TMEM132D: variants seen among roughly 807,000 people sequenced by gnomAD.
TMEM132D encodes the protein mature OL transmembrane protein.
Under a neutral mutation model 62.3 loss-of-function variants are expected in TMEM132D, and 21 were observed. The ratio of observed to expected loss-of-function variants is 0.34; its 90% confidence interval spans 0.24 to 0.49. TMEM132D has a LOEUF of 0.49. Among genes scored for constraint, TMEM132D ranks in the 20% least tolerant of loss-of-function variants. The pLI is 0.99. For missense variants in TMEM132D, 1,346 were observed against 1,402.8 expected (o/e 0.96, Z 0.65); for synonymous variants, 621 against 575.6 (o/e 1.08, Z -1.13).
intron 5 of TMEM132D, among the ~76,000 whole-genome samples, chr12:129,172,602 G>A (rs1877768419): frequency 6.6e-6 from 1 of 152,076 alleles, no homozygotes; most frequent in Non-Finnish European, 1.5e-5. Context: ...TTTTGAGATA[G>A]AGTTTCACTC....
intron 3 of TMEM132D, among the ~76,000 whole-genome samples, chr12:129,443,546 T>C (rs1285551148): frequency 6.6e-6 from 1 of 152,200 alleles, no homozygotes; most frequent in Non-Finnish European, 1.5e-5. Context: ...CCTGGACTTG[T>C]TGTCCCTGGC....
At position 129,488,020 on chromosome 12, in the gene TMEM132D, C is replaced by T. The variant is rs533365621; in HGVS notation, c.1115+43039G>A. Among the ~76,000 whole-genome samples the T allele has an allele frequency of 9.9e-5, 15 of 151,698 alleles. No homozygotes were observed. In the South Asian group the frequency reaches 2.7e-3, roughly 27 times the overall value. On this transcript the variant is annotated intron_variant, in intron 3 of 8. Coordinates refer to ENST00000422113, the MANE Select transcript of TMEM132D (RefSeq NM_133448.3). ...GGGAGAACTTTAGGGAGAAACGGCC[C>T]CTTGTTGGCTTTTCCATCCCGTATG...
In TMEM132D at chr12:129,088,792, ATGACCGGGTGTCCTCCC is replaced by A. The variant is rs1420661400; in HGVS notation, c.1444-4107_1444-4091del. Among the ~76,000 whole-genome samples the A allele has an allele frequency of 1.4e-3, 50 of 36,248 alleles. 2 individuals are homozygous for A. The highest frequency in any genetic ancestry group is 2.7e-3 in the East Asian group (1 of 374). The allele number at this position is 36,248 out of a possible 152,430, so 23.8% of individuals were successfully genotyped here. A position where few individuals can be genotyped will look rare whatever the true frequency, so the allele number is the denominator to read the frequency against. On this transcript the variant is annotated intron_variant, in intron 5 of 8. Coordinates refer to ENST00000422113, the MANE Select transcript of TMEM132D (RefSeq NM_133448.3). ...GTCCTCCATGACCGGGGTGTCCTCC[ATGACCGGGTGTCCTCCC>A]TGACCGGGTGTCCTCCATGACCGGG...
At chr12:129,815,620 T>C (rs914017829) in intron 1 of TMEM132D, among the ~76,000 whole-genome samples, 1 of 152,200 alleles carries the variant, frequency 6.6e-6, no homozygotes, top group Non-Finnish European at 1.5e-5. Context: ...GTGCAACAGA[T>C]GTCAAGGACT....
chr12:129,111,937 A>G (rs1009958635), intron 5 of TMEM132D, among the ~76,000 whole-genome samples: 3 of 152,170 alleles, frequency 2.0e-5, no homozygotes, highest in Admixed American at 2.0e-4. Flanking sequence ...ACCAGCAGTC[A>G]GGGGTCCCTT....
intron 6 of TMEM132D, among the ~76,000 whole-genome samples, chr12:129,082,325 C>T (rs1874481661): frequency 6.6e-6 from 1 of 152,122 alleles, no homozygotes; most frequent in African/African-American, 2.4e-5. Flanking sequence ...GTGGGCTGGA[C>T]CTAGTTTCTT....
chr12:129,647,704 C>G (rs569899), intron 2 of TMEM132D, among the ~76,000 whole-genome samples: 151,655 of 152,356 alleles, frequency 1, 75,486 homozygotes, highest in Middle Eastern at 1. Flanking sequence ...TTATTGGCTG[C>G]TGGTATTTTT....
chr12:129,344,116 C>G (rs1869606061), intron 3 of TMEM132D, among the ~76,000 whole-genome samples: 1 of 152,188 alleles, frequency 6.6e-6, no homozygotes, highest in South Asian at 2.1e-4. Flanking sequence ...TGTGGAGTAG[C>G]TGTCCTTTCG....
At chr12:129,180,539 A>G (rs181120135) in intron 5 of TMEM132D, among the ~76,000 whole-genome samples, 54 of 152,348 alleles carry the variant, frequency 3.5e-4, no homozygotes, top group Admixed American at 3.5e-3. Context: ...CGAGACAGAC[A>G]CAGTCCTTGC....
In TMEM132D at chr12:129,291,351, T is replaced by C. The variant is rs565351406; in HGVS notation, c.1299+46283A>G. Among the ~76,000 whole-genome samples the C allele has an allele frequency of 3.3e-5, 5 of 152,342 alleles. No homozygotes were observed. In the South Asian group the frequency reaches 1.0e-3, roughly 32 times the overall value. ...AAGTAATTATGGTGCAACTTCACTT[T>C]ACTAGGCTTTCTTAAAGAGGAATTT... On this transcript the variant is annotated intron_variant, in intron 4 of 8. Coordinates refer to ENST00000422113, the MANE Select transcript of TMEM132D (RefSeq NM_133448.3).
intron 5 of TMEM132D, among the ~76,000 whole-genome samples, chr12:129,168,320 T>A (rs1402754183): frequency 2.0e-5 from 3 of 152,144 alleles, no homozygotes; most frequent in Non-Finnish European, 2.9e-5. Context: ...CCTTTAAAAG[T>A]ATAAAATTAA....
At chr12:129,549,095 T>C (rs1252187859) in intron 2 of TMEM132D, among the ~76,000 whole-genome samples, 1 of 151,962 alleles carries the variant, frequency 6.6e-6, no homozygotes, top group Non-Finnish European at 1.5e-5. Flanking sequence ...GAATTGTAGC[T>C]CCCATAATTT....
intron 4 of TMEM132D, among the ~76,000 whole-genome samples, chr12:129,226,816 G>A (rs931140844): frequency 1.3e-5 from 2 of 152,092 alleles, no homozygotes. Context: ...CTGCTGTCTG[G>A]ACTCAGCAAC....
intron 2 of TMEM132D, among the ~76,000 whole-genome samples, chr12:129,695,912 TTTTA>T (rs1442598386): frequency 1.3e-5 from 2 of 152,166 alleles, no homozygotes; most frequent in African/African-American, 2.4e-5. Context: ...CAGTAAACCC[TTTTA>T]TTTATTATTT....
chr12:129,328,462 A>T (rs1868991526), intron 4 of TMEM132D, among the ~76,000 whole-genome samples: 1 of 152,226 alleles, frequency 6.6e-6, no homozygotes, highest in Non-Finnish European at 1.5e-5. Flanking sequence ...GAGCAACAAA[A>T]GCAATAACTC....
chr12:129,553,637 C>T (rs949019631), intron 2 of TMEM132D, among the ~76,000 whole-genome samples: 1 of 152,204 alleles, frequency 6.6e-6, no homozygotes, highest in African/African-American at 2.4e-5. Context: ...AACATGACAG[C>T]ATTGAATGTG....
At chr12:129,251,065 A>G (rs2135590173) in intron 4 of TMEM132D, among the ~76,000 whole-genome samples, 1 of 152,290 alleles carries the variant, frequency 6.6e-6, no homozygotes, top group Non-Finnish European at 1.5e-5. Flanking sequence ...GAGCAAGACT[A>G]AAGAAGAGAA....
At chr12:129,623,834 T>C (rs549623389) in intron 2 of TMEM132D, among the ~76,000 whole-genome samples, 1 of 152,048 alleles carries the variant, frequency 6.6e-6, no homozygotes, top group East Asian at 1.9e-4. Flanking sequence ...CTTAAGTTGA[T>C]TCCATATCTT....
chr12:129,189,065 G>A (rs1051050566), intron 5 of TMEM132D, among the ~76,000 whole-genome samples: 5 of 151,668 alleles, frequency 3.3e-5, no homozygotes, highest in African/African-American at 1.2e-4. Flanking sequence ...GGGATTGCAG[G>A]ATAAGAGAGG....
Sources: allele counts gnomAD v4.1 joint callset (sites outside exome capture counted in the v4.1 genomes callset), GRCh38; gene constraint gnomAD v4.1.1; transcripts MANE v1.5; gene names NCBI Gene and HGNC (gene_info 2026-07-23, HGNC 2026-07-21).